SCARA5: variants seen among roughly 807,000 people sequenced by gnomAD.
The protein encoded by SCARA5 is scavenger receptor class A member 5.
SCARA5 carries 45 observed loss-of-function variants against 46.3 expected under a neutral mutation model. The observed-to-expected ratio is 0.97, with a 90% CI of 0.76 to 1.24. SCARA5 has a LOEUF of 1.24. SCARA5 is among the 50% of genes most tolerant of loss of function. SCARA5 has a pLI of 0.00. For missense variants in SCARA5, 680 were observed against 689.0 expected, an observed-to-expected ratio of 0.99 and a Z score of 0.15; for synonymous variants, 333 against 306.5, an observed-to-expected ratio of 1.09 and a Z score of -0.90.
chr8:27,905,612 A>T (rs4515501), intron 6 of SCARA5, among the ~76,000 whole-genome samples: 2 of 148,902 alleles, frequency 1.3e-5, no homozygotes, highest in African/African-American at 2.5e-5. Context: ...AAGCATTGAC[A>T]GTAGTTATTC....
At chr8:27,915,555 A>G (rs1201869194) in intron 4 of SCARA5, among the ~76,000 whole-genome samples, 1 of 152,222 alleles carries the variant, frequency 6.6e-6, no homozygotes, top group Non-Finnish European at 1.5e-5. Context: ...GAGTCCCAGC[A>G]TTAGCCTGGA....
At chr8:27,921,091 T>A (rs916046566) in intron 4 of SCARA5, among the ~76,000 whole-genome samples, 4 of 152,220 alleles carry the variant, frequency 2.6e-5, no homozygotes, top group South Asian at 2.1e-4. Flanking sequence ...AATGAGTAAG[T>A]CTTCCTAAGA....
intron 3 of SCARA5, among the ~76,000 whole-genome samples, chr8:27,955,286 C>A (rs569930849): frequency 2.6e-5 from 4 of 152,274 alleles, no homozygotes; most frequent in Admixed American, 1.3e-4. Context: ...CCAGGGTTTC[C>A]CAGCAGGGCG....
intron 4 of SCARA5, among the ~76,000 whole-genome samples, chr8:27,910,636 T>C (rs1164260623): frequency 6.6e-6 from 1 of 152,122 alleles, no homozygotes; most frequent in Non-Finnish European, 1.5e-5. Flanking sequence ...GGCAGAGCCT[T>C]CAGTCCAGCC....
intron 7 of SCARA5, 82 bp downstream of exon 7, chr8:27,904,696 C>A (rs2129748604): frequency 7.9e-7 from 1 of 1,267,070 alleles, no homozygotes; most frequent in Non-Finnish European, 1.2e-6. Context: ...AGCCTCTGAA[C>A]CTCCAAACTT....
At chr8:27,907,624 G>C (rs985283065) in intron 5 of SCARA5, among the ~76,000 whole-genome samples, 5 of 141,502 alleles carry the variant, frequency 3.5e-5, no homozygotes, top group Non-Finnish European at 6.0e-5. Flanking sequence ...ACCCAGGCTG[G>C]AGTGGCACGA....
intron 3 of SCARA5, among the ~76,000 whole-genome samples, chr8:27,964,174 C>T (rs1808333531): frequency 6.6e-6 from 1 of 152,184 alleles, no homozygotes; most frequent in Non-Finnish European, 1.5e-5. Flanking sequence ...GAACCTCAGA[C>T]TTGTCCACCA....
chr8:27,879,542 A>G (rs1242298471), intron 8 of SCARA5, 27 bp downstream of exon 8: 1 of 1,598,362 alleles, frequency 6.3e-7, no homozygotes, highest in Non-Finnish European at 8.5e-7. Flanking sequence ...CCCTCTCCTC[A>G]TGTTTTTTGC....
intron 7 of SCARA5, among the ~76,000 whole-genome samples, chr8:27,888,596 C>A (rs1482370240): frequency 6.6e-6 from 1 of 152,202 alleles, no homozygotes; most frequent in African/African-American, 2.4e-5. Flanking sequence ...GTGTGAGCTA[C>A]CAGATTTTCT....
At position 27,889,325 on chromosome 8, in the gene SCARA5, A is replaced by G. The variant is rs142465682; in HGVS notation, c.1154-9559T>C. ...TGCTTGGAGTGATTTTTCGGTAATT[A>G]TGACATCATCTTTGGGCTTTTCCAA... On this transcript the variant is annotated intron_variant, in intron 7 of 8. Coordinates refer to ENST00000354914, the MANE Select transcript of SCARA5 (RefSeq NM_173833.6). Among the ~76,000 whole-genome samples, 246 of 152,306 alleles carry G rather than the reference A, an allele frequency of 1.6e-3. 2 individuals carry two copies. Among genetic ancestry groups the G allele is most frequent in the African/African-American group, 5.7e-3 (235 of 41,562 alleles).
chr8:27,884,409 G>A (rs1317072275), intron 7 of SCARA5, among the ~76,000 whole-genome samples: 3 of 152,248 alleles, frequency 2.0e-5, no homozygotes, highest in Non-Finnish European at 2.9e-5. Context: ...GGACCCGGCC[G>A]CTGCGCGGGG....
At chr8:27,989,014 C>T (rs1009734238) in intron 1 of SCARA5, among the ~76,000 whole-genome samples, 2 of 151,036 alleles carry the variant, frequency 1.3e-5, no homozygotes, top group Non-Finnish European at 2.9e-5. Context: ...GGAGGCGTGG[C>T]AACTTTCATA....
intron 7 of SCARA5, among the ~76,000 whole-genome samples, chr8:27,886,875 G>C (rs958470765): frequency 2.6e-5 from 4 of 152,146 alleles, no homozygotes; most frequent in Non-Finnish European, 5.9e-5. Flanking sequence ...GCCTCAGCCT[G>C]GTCCGTGACT....
chr8:27,985,544 C>T (rs539692462), intron 2 of SCARA5, among the ~76,000 whole-genome samples: 1 of 152,310 alleles, frequency 6.6e-6, no homozygotes, highest in East Asian at 1.9e-4. Context: ...AATTCAATGG[C>T]CAGGTCCAAT....
chr8:27,879,449 T>G, intron 8 of SCARA5, 120 bp downstream of exon 8: 1 of 931,112 alleles, frequency 1.1e-6, no homozygotes, highest in Non-Finnish European at 1.7e-6. Context: ...CAGCAAGCAT[T>G]TGGGGAGAGG....
At chr8:27,954,677 C>G (rs755194000) in intron 3 of SCARA5, among the ~76,000 whole-genome samples, 16 of 152,140 alleles carry the variant, frequency 1.1e-4, no homozygotes, top group South Asian at 4.1e-4. Context: ...CATTTTCTTT[C>G]TTTGTACTCA....
At chr8:27,961,606 C>T (rs903834528) in intron 3 of SCARA5, among the ~76,000 whole-genome samples, 2 of 152,184 alleles carry the variant, frequency 1.3e-5, no homozygotes, top group African/African-American at 4.8e-5. Flanking sequence ...CCAAGTGCCT[C>T]GGCCAATGTC....
chr8:27,903,898 G>A (rs1807205405), intron 7 of SCARA5, among the ~76,000 whole-genome samples: 1 of 152,170 alleles, frequency 6.6e-6, no homozygotes, highest in Admixed American at 6.6e-5. Flanking sequence ...TATTCTGCTT[G>A]CGCCCTCACG....
At chr8:27,972,064 C>G (rs1049449893) in intron 2 of SCARA5, among the ~76,000 whole-genome samples, 1 of 152,104 alleles carries the variant, frequency 6.6e-6, no homozygotes, top group African/African-American at 2.4e-5. Flanking sequence ...CCCCTGTAAT[C>G]CCAGCACTTT....
Sources: allele counts gnomAD v4.1 joint callset (sites outside exome capture counted in the v4.1 genomes callset), GRCh38; gene constraint gnomAD v4.1.1; transcripts MANE v1.5; gene names NCBI Gene and HGNC (gene_info 2026-07-23, HGNC 2026-07-21).